EYS: variants seen among roughly 807,000 people sequenced by gnomAD.
EYS encodes EGF-like photoreceptor maintenance factor, also known as protein eyes shut homolog.
Under a neutral mutation model 282.1 loss-of-function variants are expected in EYS, and 250 were observed. The observed-to-expected ratio is 0.89, with a 90% confidence interval of 0.80 to 0.98. EYS has a LOEUF of 0.98. Ranked by LOEUF, EYS falls within the 50% of genes least tolerant of loss-of-function variation. EYS has a pLI of 0.00. For missense variants in EYS, 4,016 were observed against 3,709.0 expected, an observed-to-expected ratio of 1.08 and a Z score of -2.15; for synonymous variants, 1,355 against 1,282.9, an observed-to-expected ratio of 1.06 and a Z score of -1.20.
intron 40 of EYS, among the ~76,000 whole-genome samples, chr6:63,767,763 C>A (rs1166484632): frequency 6.6e-6 from 1 of 151,952 alleles, no homozygotes; most frequent in Non-Finnish European, 1.5e-5. Flanking sequence ...GGCTAAATAG[C>A]TGAAATGATC....
chr6:64,105,346 G>C (rs1772972594), intron 31 of EYS, among the ~76,000 whole-genome samples: 1 of 151,898 alleles, frequency 6.6e-6, no homozygotes, highest in South Asian at 2.1e-4. Flanking sequence ...AAATTCAAGA[G>C]AAAAGTAGTT....
At chr6:64,876,334 G>A (rs1248478084) in intron 19 of EYS, among the ~76,000 whole-genome samples, 2 of 151,784 alleles carry the variant, frequency 1.3e-5, no homozygotes, top group Non-Finnish European at 2.9e-5. Flanking sequence ...TTTTTTATTG[G>A]CAGCATGAGA....
At chr6:64,009,679 G>A (rs538346160) in intron 33 of EYS, among the ~76,000 whole-genome samples, 2 of 152,088 alleles carry the variant, frequency 1.3e-5, no homozygotes, top group Non-Finnish European at 2.9e-5. Context: ...ACTTTGTTCT[G>A]AATCTTGATG....
intron 26 of EYS, among the ~76,000 whole-genome samples, chr6:64,509,413 T>C (rs995712997): frequency 1.3e-5 from 2 of 152,160 alleles, no homozygotes; most frequent in African/African-American, 4.8e-5. Context: ...TCGCACCTAC[T>C]CCACCACTGC....
chr6:64,056,255 T>C (rs1770979980), intron 33 of EYS, among the ~76,000 whole-genome samples: 1 of 152,150 alleles, frequency 6.6e-6, no homozygotes, highest in African/African-American at 2.4e-5. Flanking sequence ...GATGCAGTTA[T>C]TAAGTTTCAG....
chr6:64,754,009 G>A (rs1338166238), intron 22 of EYS, among the ~76,000 whole-genome samples: 1 of 151,846 alleles, frequency 6.6e-6, no homozygotes, highest in Non-Finnish European at 1.5e-5. Context: ...ATGATCTTTG[G>A]GTACATGATG....
intron 30 of EYS, 68 bp from the exon 31 acceptor site, chr6:64,230,892 T>C: frequency 2.1e-6 from 2 of 957,608 alleles, no homozygotes; most frequent in Non-Finnish European, 3.1e-6. Flanking sequence ...ATAGAAATAA[T>C]AGAAAATTTG....
At chr6:63,876,310 G>A (rs1368655954) in intron 35 of EYS, among the ~76,000 whole-genome samples, 2 of 152,100 alleles carry the variant, frequency 1.3e-5, no homozygotes, top group Non-Finnish European at 2.9e-5. Context: ...CCTGTGTTCT[G>A]GTTTGATTGC....
chr6:63,950,788 C>T (rs1208290549), intron 35 of EYS, among the ~76,000 whole-genome samples: 1 of 152,118 alleles, frequency 6.6e-6, no homozygotes, highest in Non-Finnish European at 1.5e-5. Flanking sequence ...ATCCCTCAAC[C>T]TCTTTCTCCT....
intron 19 of EYS, among the ~76,000 whole-genome samples, chr6:64,861,956 A>C (rs182117085): frequency 5.3e-5 from 8 of 152,286 alleles, no homozygotes; most frequent in Admixed American, 5.2e-4. Context: ...CTTCTCTCCG[A>C]ATAATTTTTT....
chr6:65,274,048 C>A (rs1163932995), intron 12 of EYS, among the ~76,000 whole-genome samples: 1 of 152,122 alleles, frequency 6.6e-6, no homozygotes, highest in African/African-American at 2.4e-5. Flanking sequence ...AGTTTTTACA[C>A]AGGTTCAAAT....
chr6:63,755,070 T>C (rs1256425307), intron 41 of EYS, among the ~76,000 whole-genome samples: 2 of 152,124 alleles, frequency 1.3e-5, no homozygotes. Context: ...GTTTCAGTTA[T>C]TTGTAGATCC....
intron 13 of EYS, among the ~76,000 whole-genome samples, chr6:65,039,795 A>G (rs1772877894): frequency 6.6e-6 from 1 of 151,658 alleles, no homozygotes; most frequent in South Asian, 2.1e-4. Context: ...TCTTAGTAAA[A>G]AAGGGTGTAT....
chr6:64,945,292 T>C (rs934516653), intron 15 of EYS, among the ~76,000 whole-genome samples: 58 of 152,064 alleles, frequency 3.8e-4, no homozygotes, highest in African/African-American at 1.4e-3. Context: ...ATTTGGAGTT[T>C]CTTCAGAATT....
intron 26 of EYS, among the ~76,000 whole-genome samples, chr6:64,533,444 A>G (rs549957207): frequency 1.3e-5 from 2 of 152,198 alleles, no homozygotes; most frequent in South Asian, 4.1e-4. Flanking sequence ...AAAACCAGAA[A>G]AAATAAAAGC....
intron 31 of EYS, among the ~76,000 whole-genome samples, chr6:64,195,939 C>T (rs1364821097): frequency 6.6e-6 from 1 of 152,066 alleles, no homozygotes; most frequent in Non-Finnish European, 1.5e-5. Flanking sequence ...AAGAAACTAC[C>T]ATCAGAGTGA....
chr6:65,554,524 C>A (rs574774589), intron 2 of EYS, among the ~76,000 whole-genome samples: 1 of 152,202 alleles, frequency 6.6e-6, no homozygotes, highest in Non-Finnish European at 1.5e-5. Flanking sequence ...CACTCTATTA[C>A]AGTTTCCATA....
intron 12 of EYS, among the ~76,000 whole-genome samples, chr6:65,144,674 C>A (rs1480808405): frequency 6.6e-6 from 1 of 151,884 alleles, no homozygotes; most frequent in Non-Finnish European, 1.5e-5. Context: ...AGTATATGTT[C>A]CATATTAGAA....
chr6:65,685,687 C>T (rs1768990238), intron 1 of EYS, among the ~76,000 whole-genome samples: 1 of 151,918 alleles, frequency 6.6e-6, no homozygotes, highest in Non-Finnish European at 1.5e-5. Context: ...TTTTTATTTC[C>T]ATTACAGCGA....
Sources: gnomAD v4.1 joint callset for allele counts (sites outside exome capture counted in the v4.1 genomes callset) on GRCh38, gnomAD v4.1.1 for gene constraint, MANE v1.5 for transcripts, NCBI Gene and HGNC (gene_info 2026-07-23, HGNC 2026-07-21) for gene names.